The following DLG2 variants were observed in gnomAD, a reference collection of about 807,000 sequenced individuals.
DLG2 encodes disks large homolog 2.
DLG2 carries 45 observed loss-of-function variants against 132.5 expected under a neutral mutation model. That is an observed-to-expected ratio of 0.34 (90% CI 0.27 to 0.44). The LOEUF is 0.44. Among genes scored for constraint, DLG2 ranks in the 20% least tolerant of loss-of-function variants. DLG2 has a pLI of 1.00. For missense variants in DLG2, 1,045 were observed against 1,196.9 expected, an observed-to-expected ratio of 0.87 and a Z score of 1.87; for synonymous variants, 424 against 419.6, an observed-to-expected ratio of 1.01 and a Z score of -0.13.
intron 6 of DLG2, among the ~76,000 whole-genome samples, chr11:84,998,338 C>T (rs572371764): frequency 2.6e-5 from 4 of 152,200 alleles, no homozygotes; most frequent in African/African-American, 7.2e-5. Flanking sequence ...ATCTTATAAG[C>T]ATCCGACATT....
At chr11:83,891,890 C>A (rs188929567) in intron 15 of DLG2, among the ~76,000 whole-genome samples, 8 of 152,288 alleles carry the variant, frequency 5.3e-5, no homozygotes, top group Admixed American at 5.2e-4. Flanking sequence ...GTATTAGCCT[C>A]ATGGAAAAGC....
intron 19 of DLG2, among the ~76,000 whole-genome samples, chr11:83,584,319 A>T (rs1359135199): frequency 6.6e-6 from 1 of 152,228 alleles, no homozygotes; most frequent in African/African-American, 2.4e-5. Flanking sequence ...TATGTTCGGT[A>T]ATGTTTGTTA....
chr11:84,139,679 C>G (rs2094757711), intron 9 of DLG2, among the ~76,000 whole-genome samples: 1 of 152,096 alleles, frequency 6.6e-6, no homozygotes, highest in South Asian at 2.1e-4. Flanking sequence ...GGCTCACATT[C>G]ACAAAGCAGG....
chr11:83,555,444 G>C (rs1422450557), intron 19 of DLG2, among the ~76,000 whole-genome samples: 2 of 152,210 alleles, frequency 1.3e-5, no homozygotes, highest in African/African-American at 4.8e-5. Flanking sequence ...ATCCCAGGTA[G>C]TGGGGAAAGG....
At chr11:85,184,354 T>A (rs944589712) in intron 4 of DLG2, among the ~76,000 whole-genome samples, 7 of 151,838 alleles carry the variant, frequency 4.6e-5, no homozygotes, top group Admixed American at 1.3e-4. Flanking sequence ...TTTCCTTTTT[T>A]TTTTTTTAGG....
intron 6 of DLG2, among the ~76,000 whole-genome samples, chr11:84,982,320 T>C (rs1052871013): frequency 2.0e-5 from 3 of 152,150 alleles, no homozygotes; most frequent in Admixed American, 2.0e-4. Context: ...AATACTAAAC[T>C]CATGATCCAT....
intron 15 of DLG2, among the ~76,000 whole-genome samples, chr11:83,875,630 A>C (rs1451565980): frequency 1.3e-5 from 2 of 152,304 alleles, no homozygotes; most frequent in Non-Finnish European, 2.9e-5. Context: ...CTGAATGTGT[A>C]ATTTTAGTTT....
intron 6 of DLG2, among the ~76,000 whole-genome samples, chr11:84,580,303 C>T (rs2099513400): frequency 6.6e-6 from 1 of 152,082 alleles, no homozygotes; most frequent in African/African-American, 2.4e-5. Flanking sequence ...AATCTAAGGC[C>T]TGGCCTGTAA....
At position 84,373,432 on chromosome 11, in the gene DLG2, T is replaced by C. The variant is rs748091775; in HGVS notation, c.520-122141A>G. Among the ~76,000 whole-genome samples, 188 of 151,728 alleles carry C rather than the reference T, an allele frequency of 1.2e-3. 4 individuals carry two copies. Among genetic ancestry groups the C allele is most frequent in the Admixed American group, 1.6e-3 (25 of 15,226 alleles). On this transcript the variant is annotated intron_variant, in intron 7 of 27. Coordinates refer to ENST00000376104, the MANE Select transcript of DLG2 (RefSeq NM_001142699.3). ...TAAAAATAGAAAAATTAGCCGGGCA[T>C]GATGGCACGTGCCTGGAATCCCAGC...
chr11:84,381,169 C>T (rs1260512095), intron 7 of DLG2, among the ~76,000 whole-genome samples: 1 of 151,892 alleles, frequency 6.6e-6, no homozygotes, highest in African/African-American at 2.4e-5. Context: ...ACTTATTAAA[C>T]TTTGCTCAAG....
At chr11:84,835,184 C>T (rs1232366776) in intron 6 of DLG2, among the ~76,000 whole-genome samples, 1 of 151,518 alleles carries the variant, frequency 6.6e-6, no homozygotes, top group East Asian at 1.9e-4. Flanking sequence ...GTATTTAGAG[C>T]CAGATTTCAA....
chr11:84,728,326 TTTCTGCATCTA>T (rs1234370563), intron 6 of DLG2, among the ~76,000 whole-genome samples: 1 of 152,188 alleles, frequency 6.6e-6, no homozygotes, highest in Non-Finnish European at 1.5e-5. Flanking sequence ...TCAAAGGTCT[TTTCTGCATCTA>T]TTGAGATAAT....
chr11:84,630,315 T>A (rs1357673307), intron 6 of DLG2, among the ~76,000 whole-genome samples: 4 of 152,154 alleles, frequency 2.6e-5, no homozygotes, highest in Admixed American at 2.6e-4. Flanking sequence ...GGGACATTTC[T>A]CCACCCCTGT....
At chr11:85,045,860 A>G (rs1037459139) in intron 6 of DLG2, among the ~76,000 whole-genome samples, 3 of 152,044 alleles carry the variant, frequency 2.0e-5, no homozygotes, top group African/African-American at 4.8e-5. Flanking sequence ...TTCTCTAGCG[A>G]TGTCTGTTAT....
At chr11:84,990,679 C>A (rs2056994233) in intron 6 of DLG2, among the ~76,000 whole-genome samples, 1 of 151,292 alleles carries the variant, frequency 6.6e-6, no homozygotes, top group South Asian at 2.1e-4. Flanking sequence ...TATTAAAATT[C>A]ATAAAATAAG....
chr11:84,040,474 G>C (rs2096038740), intron 11 of DLG2, among the ~76,000 whole-genome samples: 1 of 150,914 alleles, frequency 6.6e-6, no homozygotes, highest in Non-Finnish European at 1.5e-5. Context: ...TTATTAAATA[G>C]GGAATCCTTT....
At chr11:85,287,561 A>T (rs749047189) in intron 3 of DLG2, among the ~76,000 whole-genome samples, 11 of 152,068 alleles carry the variant, frequency 7.2e-5, no homozygotes, top group Non-Finnish European at 1.5e-4. Context: ...ATTTATTCCT[A>T]GCAAGTGCAA....
intron 6 of DLG2, among the ~76,000 whole-genome samples, chr11:85,006,434 C>G (rs1046653066): frequency 6.6e-6 from 1 of 152,140 alleles, no homozygotes; most frequent in Non-Finnish European, 1.5e-5. Context: ...AGGGACACAA[C>G]TTCTTCCTGG....
intron 3 of DLG2, among the ~76,000 whole-genome samples, chr11:85,550,798 T>C (rs2076621097): frequency 6.6e-6 from 1 of 152,250 alleles, no homozygotes; most frequent in Admixed American, 6.5e-5. Flanking sequence ...ACAGTTCCTC[T>C]TTACTGTAAT....
Sources: gnomAD v4.1 joint callset for allele counts (sites outside exome capture counted in the v4.1 genomes callset) on GRCh38, gnomAD v4.1.1 for gene constraint, MANE v1.5 for transcripts, NCBI Gene and HGNC (gene_info 2026-07-23, HGNC 2026-07-21) for gene names.